NHS: variants seen among roughly 807,000 people sequenced by gnomAD.
NHS encodes actin remodeling regulator NHS.
NHS carries 5 observed loss-of-function variants against 72.5 expected under a neutral mutation model. That is an observed-to-expected ratio of 0.07 (90% CI 0.04 to 0.14). The LOEUF (loss-of-function observed/expected upper bound fraction) is 0.14. NHS is among the 10% of genes least tolerant of loss of function. NHS has a pLI of 1.00. For missense variants in NHS, 1,072 were observed against 1,355.7 expected (o/e 0.79, Z 3.29); for synonymous variants, 464 against 547.7 (o/e 0.85, Z 2.13).
intron 8 of NHS, among the ~76,000 whole-genome samples, chrX:17,731,125 A>C (rs2066483805): frequency 9.2e-6 from 1 of 109,286 alleles, no homozygotes; most frequent in African/African-American, 3.4e-5. Flanking sequence ...ACATCAGATC[A>C]TTTCATCTGT....
At chrX:17,466,807 T>C (rs752466045) in intron 1 of NHS, among the ~76,000 whole-genome samples, 6 of 112,091 alleles carry the variant, frequency 5.4e-5, no homozygotes, top group Non-Finnish European at 9.4e-5. Context: ...TTAGAGGTGA[T>C]AGAAGCTTGT....
intron 1 of NHS, among the ~76,000 whole-genome samples, chrX:17,574,019 C>T (rs185637008): frequency 9.0e-6 from 1 of 111,602 alleles, no homozygotes. Context: ...AGCTGCAGAA[C>T]AGTAAATACT....
intron 1 of NHS, among the ~76,000 whole-genome samples, chrX:17,561,583 C>CACACAT (rs1934823793): frequency 1.1e-5 from 1 of 94,919 alleles, no homozygotes; most frequent in Non-Finnish European, 2.1e-5. Flanking sequence ...CGCACACACA[C>CACACAT]ACACACACAC....
chrX:17,692,440 G>A lies in NHS; in HGVS notation c.824G>A (p.Arg275His), dbSNP rs1021087353. Residue 275 changes from arginine (R) to histidine (H), a missense_variant, in exon 3 of 9, where the codon CGT becomes CAT. Physicochemically the swap from Arg to His is conservative, Grantham distance 29. Transcript: ENST00000676302. ...AYPPAHSQRRREFKDRHFLTF... is the reference protein window; with the variant it reads ...AYPPAHSQRRHEFKDRHFLTF... ...CCTCCAGCTCACAGCCAGAGGAGGC[G>A]TGAGTTTAAGGACCGTCACTTTTTA... is the stretch of plus-strand genomic sequence containing the variant. 1.2e-5 allele frequency: 15 copies of A among 1,207,775 alleles called. No individual in the cohort carries two copies. The highest frequency in any genetic ancestry group is 1.2e-4 in the African/African-American group (7 of 56,458).
At chrX:17,561,566 GCGCGCGCGCACACA>G (rs1397536380) in intron 1 of NHS, among the ~76,000 whole-genome samples, 17 of 69,115 alleles carry the variant, frequency 2.5e-4, no homozygotes, top group African/African-American at 1.1e-3. Context: ...ATGCGCGCGC[GCGCGCGCGCACACA>G]CACACACACA....
chrX:17,591,875 C>T lies in NHS; in HGVS notation c.566-95867C>T, dbSNP rs1201917112. Among the ~76,000 whole-genome samples the T allele has an allele frequency of 7.2e-5, 8 of 111,836 alleles. No individual in the cohort carries two copies. The East Asian group carries it at 8.5e-4, about 12-fold the overall frequency. On this transcript the variant is annotated intron_variant, in intron 1 of 8. Transcript: ENST00000676302. ...TCCAGCAGGCTCCCTCATTTCCCTC[C>T]GGCTGCCTTTATCTGAGGTGGCCAA...
In NHS at chrX:17,568,471, A is replaced by G. The variant is rs1235786872; in HGVS notation, c.566-119271A>G. On this transcript the variant is annotated intron_variant, in intron 1 of 8. Coordinates refer to ENST00000676302, the MANE Select transcript of NHS (RefSeq NM_001291867.2). ...ATCTGATGGCATAATAATAGCCAAT[A>G]AGTTTTTTTCTCTTTAGCAGTATGT... Among the ~76,000 whole-genome samples, 7 of 111,014 alleles carry G rather than the reference A, an allele frequency of 6.3e-5. No individual in the cohort carries two copies. The Admixed American group carries it at 6.7e-4, about 11-fold the overall frequency.
chrX:17,401,316 G>T (rs1283577034), intron 1 of NHS, among the ~76,000 whole-genome samples: 1 of 111,755 alleles, frequency 8.9e-6, no homozygotes, highest in African/African-American at 3.3e-5. Context: ...TTATGACCTT[G>T]GATAGGGCAA....
At chrX:17,564,563 G>A (rs1007234486) in intron 1 of NHS, among the ~76,000 whole-genome samples, 2 of 112,236 alleles carry the variant, frequency 1.8e-5, no homozygotes, top group African/African-American at 6.5e-5. Context: ...TCTGTGTGTG[G>A]TGTGCATGCT....
chrX:17,708,418 C>T (rs7888748), intron 3 of NHS, among the ~76,000 whole-genome samples: 1 of 111,762 alleles, frequency 8.9e-6, no homozygotes, highest in Non-Finnish European at 1.9e-5. Context: ...ACTTGAAATG[C>T]CCTTTCTCCC....
chrX:17,708,332 G>A (rs1363725262), intron 3 of NHS, among the ~76,000 whole-genome samples: 1 of 111,288 alleles, frequency 9.0e-6, no homozygotes, highest in East Asian at 2.8e-4. Flanking sequence ...TCCTTTGCAC[G>A]GACCATAGAC....
intron 1 of NHS, among the ~76,000 whole-genome samples, chrX:17,639,849 T>C (rs927406628): frequency 8.9e-6 from 1 of 112,225 alleles, no homozygotes; most frequent in Admixed American, 9.4e-5. Context: ...ACAGTGCCTT[T>C]AGGCCCATCC....
intron 1 of NHS, among the ~76,000 whole-genome samples, chrX:17,595,950 A>G (rs939109716): frequency 1.8e-5 from 2 of 111,165 alleles, no homozygotes; most frequent in Non-Finnish European, 3.8e-5. Flanking sequence ...AGGAGTTCCA[A>G]TTTCCCACCA....
intron 1 of NHS, among the ~76,000 whole-genome samples, chrX:17,451,275 C>T (rs1044977726): frequency 4.5e-5 from 5 of 111,889 alleles, no homozygotes; most frequent in Non-Finnish European, 9.4e-5. Context: ...GACCTTCCTT[C>T]CAATCTGCTC....
At chrX:17,424,647 C>T (rs1305875049) in intron 1 of NHS, among the ~76,000 whole-genome samples, 4 of 111,939 alleles carry the variant, frequency 3.6e-5, no homozygotes, top group African/African-American at 1.3e-4. Context: ...AGGAATAGTA[C>T]CAGGTTTACT....
intron 1 of NHS, among the ~76,000 whole-genome samples, chrX:17,682,266 A>C (rs146878188): frequency 0.074 from 8,235 of 111,685 alleles, 746 homozygotes; most frequent in African/African-American, 0.25. Context: ...TTGCCTACCA[A>C]GCTGATGGCT....
chrX:17,693,541 A>G (rs1389945908), intron 3 of NHS, among the ~76,000 whole-genome samples: 1 of 112,941 alleles, frequency 8.9e-6, no homozygotes, highest in East Asian at 2.8e-4. Flanking sequence ...ACAATATGCA[A>G]GAGAGATGCA....
intron 1 of NHS, among the ~76,000 whole-genome samples, chrX:17,686,381 G>A (rs775613756): frequency 1.8e-5 from 2 of 111,752 alleles, no homozygotes; most frequent in Non-Finnish European, 3.8e-5. Context: ...CTAAGCCTCT[G>A]GTCAGCAGTG....
intron 1 of NHS, among the ~76,000 whole-genome samples, chrX:17,477,638 A>G (rs188218252): frequency 8.9e-6 from 1 of 112,456 alleles, no homozygotes; most frequent in East Asian, 2.8e-4. Flanking sequence ...ATCTTGTGCA[A>G]AGCACATCTT....
Sources: allele counts gnomAD v4.1 joint callset (sites outside exome capture counted in the v4.1 genomes callset), GRCh38; gene constraint gnomAD v4.1.1; transcripts MANE v1.5; gene names NCBI Gene and HGNC (gene_info 2026-07-23, HGNC 2026-07-21).